PYGL: variants seen among roughly 807,000 people sequenced by gnomAD.
PYGL encodes the protein glycogen phosphorylase, liver form.
A neutral mutation model predicts 100.1 loss-of-function variants in PYGL; 90 were observed. The observed-to-expected ratio is 0.90, with a 90% CI of 0.76 to 1.07. The LOEUF (loss-of-function observed/expected upper bound fraction) is 1.07. Among genes scored for constraint, PYGL ranks in the 50% least tolerant of loss-of-function variants. PYGL has a pLI of 0.00. For missense variants in PYGL, 1,016 were observed against 1,057.6 expected, an observed-to-expected ratio of 0.96 and a Z score of 0.55; for synonymous variants, 373 against 393.0, an observed-to-expected ratio of 0.95 and a Z score of 0.60.
Position 50,944,262 on chromosome 14 carries a change from T to C in PYGL, c.142A>G (p.Thr48Ala), listed in dbSNP as rs1380737482. The stretch of plus-strand genomic sequence containing the variant: ...AGCGCGAAGTAGTAGTCGCGGGTGG[T>C]GGCCACGTTGCGGTCCTTGACCAGC... The part of the protein sequence containing the change: ...FTLVKDRNVA[T>A]TRDYYFALAH... Residue 48 changes from threonine to alanine, a missense_variant, in exon 1 of 20, where the codon ACC becomes GCC. Transcript: ENST00000216392. 1.2e-6 allele frequency: 2 copies of C among 1,613,898 alleles called. No homozygotes were observed. The highest frequency in any genetic ancestry group is 1.7e-5 in the Admixed American group (1 of 60,028).
At chr14:50,928,722 T>TA (rs1246611021) in intron 4 of PYGL, among the ~76,000 whole-genome samples, 28 of 152,220 alleles carry the variant, frequency 1.8e-4, no homozygotes, top group Admixed American at 1.8e-3. Context: ...CATCAACCTT[T>TA]AAAAATCTTC....
Position 50,915,399 on chromosome 14 carries a change from A to G in PYGL, c.1340T>C (p.Ile447Thr), listed in dbSNP as rs1303792485. The G allele has an allele frequency of 3.1e-6, 5 of 1,614,208 alleles. No individual in the cohort carries two copies. The highest frequency in any genetic ancestry group is 4.2e-6 in the Non-Finnish European group (5 of 1,180,032). ...SKRINMAHLCIVGSHAVNGVA... is the reference protein window; with the variant it reads ...SKRINMAHLCTVGSHAVNGVA... ...GCCATTCACAGCATGGGAACCGACA[A>G]TGCAGAGATGGGCCATGTTGATCCT... Residue 447 changes from isoleucine (I) to threonine (T), a missense_variant, in exon 11 of 20, where the codon ATT (isoleucine) becomes ACT (threonine). Ile to Thr is a moderately conservative substitution (Grantham distance 89). Transcript: ENST00000216392.
intron 7 of PYGL, among the ~76,000 whole-genome samples, chr14:50,919,241 C>T (rs376656665): frequency 5.2e-4 from 79 of 152,316 alleles, no homozygotes; most frequent in African/African-American, 1.5e-3. Context: ...GTTGGCAGTA[C>T]GGTCCCAGAC....
At chr14:50,927,406 G>A (rs1269694392) in intron 4 of PYGL, among the ~76,000 whole-genome samples, 1 of 152,074 alleles carries the variant, frequency 6.6e-6, no homozygotes, top group African/African-American at 2.4e-5. Flanking sequence ...TGTATTTTTA[G>A]TAGAGACGGG....
Position 50,920,974 on chromosome 14 carries a change from C to T in PYGL, c.754G>A (p.Asp252Asn), listed in dbSNP as rs759606168. 11 of 1,613,924 alleles carry T rather than the reference C, an allele frequency of 6.8e-6. No individual in the cohort carries two copies. The East Asian group carries it at 1.3e-4, about 20-fold the overall frequency. ...TACTCACAGTCTCTGAGGTTAAAGT[C>T]ATTTGGTGCCCGAGCAGACCAGAGG... is the stretch of plus-strand genomic sequence containing the variant. ...MRLWSARAPN[D>N]FNLRDFNVGD... Residue 252 changes from aspartate (D) to asparagine (N), a missense_variant, in exon 6 of 20, where the codon GAC becomes AAC. Transcript: ENST00000216392.
At chr14:50,919,032 A>AAAAC (rs55801989) in intron 7 of PYGL, among the ~76,000 whole-genome samples, 9,705 of 152,162 alleles carry the variant, frequency 0.064, 391 homozygotes, top group Middle Eastern at 0.14. Context: ...CTTACTCTTA[A>AAAAC]AAACAAACAA....
intron 4 of PYGL, among the ~76,000 whole-genome samples, chr14:50,927,827 A>G (rs2050566297): frequency 6.6e-6 from 1 of 152,216 alleles, no homozygotes; most frequent in Non-Finnish European, 1.5e-5. Context: ...TGCCTCCACT[A>G]AATCTACAGA....
rs2050322823 is a variant in PYGL at position 50,905,450 on chromosome 14, TCCA to T, written c.2483_2485del (p.Val828del). 1.2e-6 allele frequency: 2 copies of T among 1,613,948 alleles called. No individual in the cohort carries two copies. Among genetic ancestry groups the T allele is most frequent in the East Asian group, 4.5e-5 (2 of 44,874 alleles). On this transcript the variant is annotated inframe_deletion, in exon 20 of 20. Coordinates refer to ENST00000216392, the MANE Select transcript of PYGL (RefSeq NM_002863.5). ...TAGAGAAATCTTTAGATCTGAAGGT[TCCA>T]CGTTCCAGATGTTTTGGGCATATTC...
At chr14:50,927,167 C>G (rs2050557674) in intron 4 of PYGL, among the ~76,000 whole-genome samples, 2 of 152,138 alleles carry the variant, frequency 1.3e-5, no homozygotes. Flanking sequence ...GAACTTCCTC[C>G]TGTGGGCTCA....
Position 50,921,037 on chromosome 14 carries a change from C to T in PYGL, c.691G>A (p.Val231Met), listed in dbSNP as rs148378112. 1.9e-4 allele frequency: 312 copies of T among 1,613,998 alleles called. No individual in the cohort carries two copies. The highest frequency in any genetic ancestry group is 2.0e-4 in the East Asian group (9 of 44,896). ...VVLALPYDTP[V>M]PGYMNNTVNT... ...ACAGTGTTATTCATGTAGCCGGGCA[C>T]GGGGGTGTCATATGGCAGAGCCAGG... The change falls in exon 6 of 20, where the codon GTG becomes ATG. Residue 231 changes from valine (V) to methionine (M), a missense_variant. Coordinates refer to ENST00000216392, the MANE Select transcript of PYGL (RefSeq NM_002863.5).
At chr14:50,924,553 T>C (rs1389128472) in intron 4 of PYGL, among the ~76,000 whole-genome samples, 1 of 152,222 alleles carries the variant, frequency 6.6e-6, no homozygotes, top group East Asian at 1.9e-4. Flanking sequence ...TCAGTCAAGA[T>C]TCTTGTGGCT....
At chr14:50,935,367 T>TGGTGCA (rs990450458) in intron 2 of PYGL, among the ~76,000 whole-genome samples, 182 bp from the exon 3 acceptor site, 1 of 152,206 alleles carries the variant, frequency 6.6e-6, no homozygotes, top group African/African-American at 2.4e-5. Flanking sequence ...CTGTATGAGA[T>TGGTGCA]GGTGCAGCTG....
At position 50,916,583 on chromosome 14, in the gene PYGL, G is replaced by A. The variant is rs2050451931; in HGVS notation, c.1092+59C>T. On this transcript the variant is annotated intron_variant, in intron 9 of 19. Transcript: ENST00000216392. ...AAAACTAAAAAGGGAGTTTTTGGCA[G>A]TCTTTCAACTGCAGCCATTCTGGTT... The A allele has an allele frequency of 2.7e-6, 4 of 1,466,948 alleles. No homozygotes were observed. In the Admixed American group the frequency reaches 5.0e-5, roughly 18 times the overall value. 90.9% of individuals were successfully genotyped at this position (1,466,948 alleles called of 1,614,324 possible).
At chr14:50,926,561 A>T (rs915649240) in intron 4 of PYGL, among the ~76,000 whole-genome samples, 2 of 151,120 alleles carry the variant, frequency 1.3e-5, no homozygotes, top group Admixed American at 1.3e-4. Flanking sequence ...CCCCGTCTCT[A>T]CTAAAAATAT....
At chr14:50,911,264 C>G (rs2142790379) in intron 16 of PYGL, among the ~76,000 whole-genome samples, 1 of 152,362 alleles carries the variant, frequency 6.6e-6, no homozygotes, top group East Asian at 1.9e-4. Context: ...TGAGGCACAT[C>G]TAAGCCTCGT....
At chr14:50,943,759 G>A (rs2050721745) in intron 1 of PYGL, among the ~76,000 whole-genome samples, 1 of 152,232 alleles carries the variant, frequency 6.6e-6, no homozygotes, top group East Asian at 1.9e-4. Flanking sequence ...TTAGGGCTGA[G>A]TGTCCAGGGC....
At position 50,920,547 on chromosome 14, in the gene PYGL, A is replaced by G; in HGVS notation, c.849T>C (p.Asn283=). ...AENISRVLYP[N]DNFFEGKELR... ...AGCAACCTTGATCACTCACATTGTC[A>G]TTGGGATAGAGGACCCGGGAGATGT... Residue 283 remains asparagine, a synonymous_variant, in exon 7 of 20, where the codon AAT becomes AAC. Transcript: ENST00000216392. 6.2e-7 allele frequency: 1 copy of G among 1,611,114 alleles called. No individual in the cohort carries two copies. Among genetic ancestry groups the G allele is most frequent in the African/African-American group, 1.3e-5 (1 of 74,966 alleles).
rs761061349 is a variant in PYGL, at chr14:50,920,993, C to A, written c.735G>T (p.Trp245Cys). The change falls in exon 6 of 20, where the codon TGG (tryptophan) becomes TGT (cysteine). Residue 245 changes from tryptophan (W) to cysteine (C), a missense_variant. Physicochemically the swap from Trp to Cys is radical, Grantham distance 215 (BLOSUM62 -2). Transcript: ENST00000216392. ...MNNTVNTMRL[W>C]SARAPNDFNL... The stretch of plus-strand genomic sequence containing the variant: ...TAAAGTCATTTGGTGCCCGAGCAGA[C>A]CAGAGGCGCATGGTGTTGACAGTGT... 4 of 1,614,058 alleles carry A rather than the reference C, an allele frequency of 2.5e-6. No homozygotes were observed. Among genetic ancestry groups the A allele is most frequent in the Non-Finnish European group, 3.4e-6 (4 of 1,180,030 alleles).
rs759849728 is a variant in PYGL, at chr14:50,912,306, G to A, written c.1621-3C>T. 3.1e-6 allele frequency: 5 copies of A among 1,613,806 alleles called. No individual in the cohort carries two copies. Among genetic ancestry groups the A allele is most frequent in the African/African-American group, 1.3e-5 (1 of 75,054 alleles). On this transcript the variant is annotated splice_region_variant and splice_polypyrimidine_tract_variant and intron_variant, in intron 13 of 19. Transcript: ENST00000216392. ...TGAGAAAACTTCAGCTTATTCTCCT[G>A]TTAAGACAGTGCATGGTGCCAGAGC... is the stretch of plus-strand genomic sequence containing the variant.
Sources: allele counts gnomAD v4.1 joint callset (sites outside exome capture counted in the v4.1 genomes callset), GRCh38; gene constraint gnomAD v4.1.1; transcripts MANE v1.5; gene names NCBI Gene and HGNC (gene_info 2026-07-23, HGNC 2026-07-21).